The following NAPG variants were observed in gnomAD, a reference collection of about 807,000 sequenced individuals.
The protein encoded by NAPG is gamma-soluble NSF attachment protein.
Under a neutral mutation model 48.4 loss-of-function variants are expected in NAPG, and 25 were observed. The observed-to-expected ratio is 0.52, with a 90% CI of 0.38 to 0.72. The LOEUF is 0.72. Among genes scored for constraint, NAPG ranks in the 30% least tolerant of loss-of-function variants. The probability of loss-of-function intolerance (pLI) is 0.00; values close to 1 mark genes in which losing one functional copy is unlikely to be tolerated. For missense variants in NAPG, 359 were observed against 372.5 expected (o/e 0.96, Z 0.30); for synonymous variants, 139 against 127.2 (o/e 1.09, Z -0.62).
chr18:10,539,764 G>A lies in NAPG; in HGVS notation c.261G>A (p.Glu87=). 6.2e-7 allele frequency: 1 copy of A among 1,613,748 alleles called. No homozygotes were observed. Among genetic ancestry groups the A allele is most frequent in the African/African-American group, 1.3e-5 (1 of 75,024 alleles). The stretch of plus-strand genomic sequence containing the variant: ...TCTACTGTATCCTTTGCCCAAAGGA[G>A]ATGCAGAAACTACCAGAGGCCGTTC... ...AYEQAGMMLK[E]MQKLPEAVQL... Residue 87 remains glutamate (E), a splice_region_variant and synonymous_variant, in exon 6 of 12, where the codon GAG becomes GAA. Coordinates refer to ENST00000322897, the MANE Select transcript of NAPG (RefSeq NM_003826.3). The surrounding 1 kb of genome is among the most constrained non-coding windows in gnomAD (Gnocchi z 4.7).
chr18:10,540,016 G>C lies in NAPG; in HGVS notation c.397G>C (p.Ala133Pro). ...KLIENVDPEK[A>P]VQLYQQTANV... ...TATAGAAAATGTTGATCCAGAGAAG[G>C]CTGTACAGTTATATCAACAGACAGC... The change falls in exon 7 of 12, where the codon GCT (alanine) becomes CCT (proline). Residue 133 changes from alanine to proline, a missense_variant. Ala to Pro is a conservative substitution (Grantham distance 27). Coordinates refer to ENST00000322897, the MANE Select transcript of NAPG (RefSeq NM_003826.3). 1 of 1,597,458 alleles carries C rather than the reference G, an allele frequency of 6.3e-7. No individual in the cohort carries two copies. Among genetic ancestry groups the C allele is most frequent in the Non-Finnish European group, 8.5e-7 (1 of 1,171,054 alleles).
rs546561379 is a variant in NAPG at position 10,544,701 on chromosome 18, C to T, written c.507-1625C>T. ...AATCACAGGATGGCCCATCATATTC[C>T]GAGGGTCACACCTACACTTAAAGGG... is the stretch of plus-strand genomic sequence containing the variant. On this transcript the variant is annotated intron_variant, in intron 8 of 11. Coordinates refer to ENST00000322897, the MANE Select transcript of NAPG (RefSeq NM_003826.3). This position sits in a 1 kb window ranked among gnomAD's most constrained non-coding sequence, Gnocchi z 5.1. Among the ~76,000 whole-genome samples the T allele has an allele frequency of 3.3e-5, 5 of 152,236 alleles. No individual in the cohort carries two copies. The highest frequency in any genetic ancestry group is 2.1e-4 in the South Asian group (1 of 4,822).
Position 10,540,334 on chromosome 18 carries a change from A to C in NAPG, c.441A>C (p.Glu147Asp), listed in dbSNP as rs17849546. Residue 147 changes from glutamate (E) to aspartate (D), a missense_variant, in exon 8 of 12, where the codon GAA (glutamate) becomes GAC (aspartate). Physicochemically the swap from Glu to Asp is conservative, Grantham distance 45. Coordinates refer to ENST00000322897, the MANE Select transcript of NAPG (RefSeq NM_003826.3). ...YQQTANVFEN[E>D]ERLRQAVELL... ...TTTTTCTTTGATTCCTTCAGAATGA[A>C]GAACGCTTACGACAGGCAGTTGAAT... The C allele has an allele frequency of 6.2e-7, 1 of 1,613,460 alleles. No individual in the cohort carries two copies. Among genetic ancestry groups the C allele is most frequent in the Non-Finnish European group, 8.5e-7 (1 of 1,179,604 alleles).
Position 10,539,786 on chromosome 18 carries a change from G to T in NAPG, c.283G>T (p.Val95Phe). 2 of 1,613,970 alleles carry T rather than the reference G, an allele frequency of 1.2e-6. No individual in the cohort carries two copies. Among genetic ancestry groups the T allele is most frequent in the South Asian group, 2.2e-5 (2 of 91,078 alleles). ...GGAGATGCAGAAACTACCAGAGGCC[G>T]TTCAGCTAATTGAGAAGGCCAGCAT... ...LKEMQKLPEA[V>F]QLIEKASMMY... The change falls in exon 6 of 12, where the codon GTT becomes TTT. Residue 95 changes from valine (V) to phenylalanine (F), a missense_variant. Coordinates refer to ENST00000322897, the MANE Select transcript of NAPG (RefSeq NM_003826.3). This position sits in a 1 kb window ranked among gnomAD's most constrained non-coding sequence, Gnocchi z 4.7.
At position 10,544,768 on chromosome 18, in the gene NAPG, C is replaced by T. The variant is rs1158176693; in HGVS notation, c.507-1558C>T. ...GTTTACAAGGGGCAAGAATCGGGAG[C>T]ACTCTTAGAATTCTGCTACCAAACC... is the stretch of plus-strand genomic sequence containing the variant. On this transcript the variant is annotated intron_variant, in intron 8 of 11. Coordinates refer to ENST00000322897, the MANE Select transcript of NAPG (RefSeq NM_003826.3). This position sits in a 1 kb window ranked among gnomAD's most constrained non-coding sequence, Gnocchi z 5.1. Among the ~76,000 whole-genome samples, 2 of 152,184 alleles carry T rather than the reference C, an allele frequency of 1.3e-5. No individual in the cohort carries two copies. Among genetic ancestry groups the T allele is most frequent in the Non-Finnish European group, 2.9e-5 (2 of 68,034 alleles).
In NAPG at chr18:10,550,350, T is replaced by C. The variant is rs1567895737; in HGVS notation, c.*130T>C. ...GATTTTGGATCCTAATAAAGACTAG[T>C]TTTTAGTTACCATCTTCCCAAATCA... is the stretch of plus-strand genomic sequence containing the variant. On this transcript the variant is annotated 3_prime_UTR_variant, in exon 12 of 12. Coordinates refer to ENST00000322897, the MANE Select transcript of NAPG (RefSeq NM_003826.3). 14 of 971,156 alleles carry C rather than the reference T, an allele frequency of 1.4e-5. No individual in the cohort carries two copies. The East Asian group carries it at 3.9e-4, about 27-fold the overall frequency. 60.2% of individuals were successfully genotyped at this position (971,156 alleles called of 1,614,324 possible). A position where few individuals can be genotyped will look rare whatever the true frequency, so the allele number is the denominator to read the frequency against.
chr18:10,529,525 G>A (rs1334850228), intron 1 of NAPG, among the ~76,000 whole-genome samples: 1 of 152,194 alleles, frequency 6.6e-6, no homozygotes, highest in African/African-American at 2.4e-5. Context: ...AGGCCAAGGT[G>A]GGCGGATCAC....
Position 10,548,352 on chromosome 18 carries a change from A to G in NAPG, c.639A>G (p.Ala213=), listed in dbSNP as rs372889692. 2.5e-6 allele frequency: 4 copies of G among 1,613,774 alleles called. No individual in the cohort carries two copies. The highest frequency in any genetic ancestry group is 2.5e-6 in the Non-Finnish European group (3 of 1,179,688). ...VHLHRNDYVA[A]ERCVRESYSI... ...TACACAGAAATGACTATGTAGCTGCAGAAAGATGTGTCCGGGAGAGCTATA... is the reference window on the plus strand; with the variant it reads ...TACACAGAAATGACTATGTAGCTGCGGAAAGATGTGTCCGGGAGAGCTATA... Residue 213 remains alanine (A), a synonymous_variant, in exon 10 of 12, where the codon GCA becomes GCG. Coordinates refer to ENST00000322897, the MANE Select transcript of NAPG (RefSeq NM_003826.3). The surrounding 1 kb of genome is among the most constrained non-coding windows in gnomAD (Gnocchi z 4.4).
chr18:10,532,935 T>A, intron 3 of NAPG, 140 bp downstream of exon 3: 1 of 782,686 alleles, frequency 1.3e-6, no homozygotes. Context: ...TTCTGTATTT[T>A]TAAACTATGA....
Position 10,548,920 on chromosome 18 carries a change from G to A in NAPG, c.666-47G>A. ...GCAGAATCATCCCTGCCTGAGATGT[G>A]TTCTTTTAAGGAGAAGGTGAAGACG... On this transcript the variant is annotated intron_variant, in intron 10 of 11. Transcript: ENST00000322897. This position sits in a 1 kb window ranked among gnomAD's most constrained non-coding sequence, Gnocchi z 4.4. 6.3e-7 allele frequency: 1 copy of A among 1,594,282 alleles called. No individual in the cohort carries two copies. The highest frequency in any genetic ancestry group is 1.7e-5 in the Admixed American group (1 of 58,306).
intron 1 of NAPG, 136 bp from the exon 2 acceptor site, chr18:10,530,634 G>A (rs150816185): frequency 8.3e-5 from 41 of 491,640 alleles, no homozygotes; most frequent in Middle Eastern, 4.7e-4. Flanking sequence ...GGATGGAGGC[G>A]GGTGACACAG....
chr18:10,535,260 A>G (rs2032008117), intron 5 of NAPG, among the ~76,000 whole-genome samples: 2 of 152,172 alleles, frequency 1.3e-5, no homozygotes, highest in Non-Finnish European at 2.9e-5. Flanking sequence ...TCATTTTTTT[A>G]GTGAACACAT....
Position 10,534,622 on chromosome 18 carries a change from T to G in NAPG, c.258+126T>G, listed in dbSNP as rs1195448840. 1 of 805,360 alleles carries G rather than the reference T, an allele frequency of 1.2e-6. No individual in the cohort carries two copies. The highest frequency in any genetic ancestry group is 2.1e-6 in the Non-Finnish European group (1 of 475,284). The allele number at this position is 805,360 out of a possible 1,614,324, so 49.9% of individuals were successfully genotyped here. On this transcript the variant is annotated intron_variant, in intron 5 of 11. Coordinates refer to ENST00000322897, the MANE Select transcript of NAPG (RefSeq NM_003826.3). This position sits in a 1 kb window ranked among gnomAD's most constrained non-coding sequence, Gnocchi z 5.0. The stretch of plus-strand genomic sequence containing the variant: ...AGGCAAGAGGTGCTAAGTTAAGATT[T>G]TCTGTCCACGGTAACGTTAATTGGA...
At chr18:10,532,388 G>C (rs1375384604) in intron 2 of NAPG, among the ~76,000 whole-genome samples, 2 of 152,158 alleles carry the variant, frequency 1.3e-5, no homozygotes, top group Admixed American at 1.3e-4. Flanking sequence ...TTTTGTGACT[G>C]AAGAATCTGC....
rs1378665342 is a variant in NAPG at position 10,548,295 on chromosome 18, T to G, written c.586-4T>G. On this transcript the variant is annotated splice_region_variant and splice_polypyrimidine_tract_variant and intron_variant, in intron 9 of 11. Coordinates refer to ENST00000322897, the MANE Select transcript of NAPG (RefSeq NM_003826.3). This position sits in a 1 kb window ranked among gnomAD's most constrained non-coding sequence, Gnocchi z 4.4. Reference sequence around the variant, plus strand: ...TTTGACCATGATCCTCTCTTTTGTTTTAGAAAACAATTGCTCAAGTCTTAG... The same window carrying G: ...TTTGACCATGATCCTCTCTTTTGTTGTAGAAAACAATTGCTCAAGTCTTAG... 3.1e-6 allele frequency: 5 copies of G among 1,609,816 alleles called. No individual in the cohort carries two copies. The highest frequency in any genetic ancestry group is 4.3e-6 in the Non-Finnish European group (5 of 1,176,224).
In NAPG at chr18:10,534,588, C is replaced by CT; in HGVS notation, c.258+94dup. The CT allele has an allele frequency of 1.6e-6, 2 of 1,234,822 alleles. No homozygotes were observed. Among genetic ancestry groups the CT allele is most frequent in the Non-Finnish European group, 2.4e-6 (2 of 840,704 alleles). 76.5% of individuals were successfully genotyped at this position (1,234,822 alleles called of 1,614,324 possible). ...ATTTTTGTTGAAGTTGAAAAGCTTC[C>CT]TTACTGTAAGGCAAGAGGTGCTAAG... On this transcript the variant is annotated intron_variant, in intron 5 of 11. Transcript: ENST00000322897. This position sits in a 1 kb window ranked among gnomAD's most constrained non-coding sequence, Gnocchi z 5.0.
intron 5 of NAPG, among the ~76,000 whole-genome samples, chr18:10,537,452 A>G (rs1233579083): frequency 1.3e-5 from 2 of 152,174 alleles, no homozygotes; most frequent in African/African-American, 4.8e-5. Context: ...CATCCTCATC[A>G]TAGTCTTCAC....
chr18:10,529,883 G>A (rs994703138), intron 1 of NAPG, among the ~76,000 whole-genome samples: 21 of 152,202 alleles, frequency 1.4e-4, no homozygotes, highest in African/African-American at 4.8e-4. Flanking sequence ...TTTGAAGCAA[G>A]CAGTGTTCTG....
chr18:10,541,390 ACT>A (rs747558090), intron 8 of NAPG, among the ~76,000 whole-genome samples: 1 of 152,120 alleles, frequency 6.6e-6, no homozygotes, highest in Non-Finnish European at 1.5e-5. Flanking sequence ...CTTATTACTT[ACT>A]CGTCGCTTCC....
Sources: gnomAD v4.1 joint callset for allele counts (sites outside exome capture counted in the v4.1 genomes callset) on GRCh38, gnomAD v4.1.1 for gene constraint, Gnocchi (gnomAD v3.1) non-coding constraint, MANE v1.5 for transcripts, NCBI Gene and HGNC (gene_info 2026-07-23, HGNC 2026-07-21) for gene names.